UBXN7: variants seen among roughly 807,000 people sequenced by gnomAD.
The protein encoded by UBXN7 is UBX domain protein 7.
UBXN7 carries 9 observed loss-of-function variants against 58.0 expected under a neutral mutation model. The observed-to-expected ratio is 0.16, with a 90% CI of 0.09 to 0.27. The LOEUF (loss-of-function observed/expected upper bound fraction) is 0.27. Among genes scored for constraint, UBXN7 ranks in the 10% least tolerant of loss-of-function variants. The pLI, the probability that UBXN7 is intolerant of heterozygous loss-of-function variation, is 1.00. For missense variants in UBXN7, 328 were observed against 599.6 expected (o/e 0.55, Z 4.73); for synonymous variants, 208 against 205.0 (o/e 1.01, Z -0.12).
chr3:196,404,493 A>G (rs956662798), intron 2 of UBXN7, among the ~76,000 whole-genome samples: 2 of 151,686 alleles, frequency 1.3e-5, no homozygotes, highest in East Asian at 1.9e-4. Context: ...CAATCTCCTG[A>G]CCTCGTGATC....
chr3:196,421,256 G>A (rs1730673914), intron 1 of UBXN7, among the ~76,000 whole-genome samples: 1 of 152,186 alleles, frequency 6.6e-6, no homozygotes, highest in South Asian at 2.1e-4. Context: ...GGTGGGAAAT[G>A]CATGCGCCCA....
intron 9 of UBXN7, among the ~76,000 whole-genome samples, 161 bp from the exon 10 acceptor site, chr3:196,362,084 C>T (rs926404921): frequency 1.3e-5 from 2 of 152,208 alleles, no homozygotes; most frequent in Non-Finnish European, 2.9e-5. Flanking sequence ...ACCTCCGCCT[C>T]CCTGGTTCAA....
At chr3:196,377,992 C>T (rs62409217) in intron 5 of UBXN7, among the ~76,000 whole-genome samples, 14,866 of 152,160 alleles carry the variant, frequency 0.098, 914 homozygotes, top group Middle Eastern at 0.2. Flanking sequence ...ATTCTTTCTC[C>T]AAGCAACTAC....
intron 5 of UBXN7, among the ~76,000 whole-genome samples, chr3:196,372,300 T>TTCTCTCTCTCTCTCTCTC (rs144595952): frequency 0.018 from 2,383 of 133,440 alleles, 60 homozygotes; most frequent in Non-Finnish European, 0.026. Context: ...TAATAGCTGA[T>TTCTCTCTCTCTCTCTCTC]TCTCTCTCTC....
At chr3:196,380,206 C>T (rs1012487096) in intron 5 of UBXN7, among the ~76,000 whole-genome samples, 2 of 150,812 alleles carry the variant, frequency 1.3e-5, no homozygotes, top group African/African-American at 4.9e-5. Context: ...GGCAAGATAG[C>T]GCCACTGCAG....
intron 5 of UBXN7, among the ~76,000 whole-genome samples, chr3:196,373,187 A>C (rs1350597786): frequency 1.3e-5 from 2 of 152,214 alleles, no homozygotes; most frequent in Non-Finnish European, 2.9e-5. Context: ...GAATCACCCT[A>C]AACATTTTAG....
At chr3:196,372,794 G>A (rs368981006) in intron 5 of UBXN7, among the ~76,000 whole-genome samples, 1 of 149,694 alleles carries the variant, frequency 6.7e-6, no homozygotes, top group Non-Finnish European at 1.5e-5. Context: ...TGCCTAAGTC[G>A]GAGAACAATG....
chr3:196,390,369 G>A (rs373613972), intron 5 of UBXN7, among the ~76,000 whole-genome samples: 2 of 152,260 alleles, frequency 1.3e-5, no homozygotes, highest in East Asian at 3.9e-4. Context: ...CCAAGTAGTA[G>A]TTAGTTTGGG....
chr3:196,351,678 C>T lies in UBXN7; in HGVS notation c.*5007G>A, dbSNP rs1293350572. ...TAGTCCAATTATCTCATTTTTCAGA[C>T]GAGAAACCAGAGATTAAGAAGAAAG... On this transcript the variant is annotated 3_prime_UTR_variant, in exon 11 of 11. Transcript: ENST00000296328. 5 of 152,060 alleles carry T rather than the reference C, an allele frequency of 3.3e-5. No homozygotes were observed. The highest frequency in any genetic ancestry group is 6.6e-5 in the Admixed American group (1 of 15,250). 9.4% of individuals were successfully genotyped at this position (152,060 alleles called of 1,614,324 possible).
Position 196,432,355 on chromosome 3 carries a change from C to T in UBXN7, c.45G>A (p.Gly15=). The T allele has an allele frequency of 6.2e-7, 1 of 1,607,712 alleles. No homozygotes were observed. Among genetic ancestry groups the T allele is most frequent in the Non-Finnish European group, 8.5e-7 (1 of 1,175,882 alleles). Residue 15 remains glycine (G), a synonymous_variant, in exon 1 of 11, where the codon GGG becomes GGA. Transcript: ENST00000296328. ...GGSAASSALK[G]LIQQFTTITG... ...TAATGGTGGTGAACTGTTGAATTAACCCCTTCAGCGCCGAGGACGCCGCGG... is the reference window on the plus strand; with the variant it reads ...TAATGGTGGTGAACTGTTGAATTAATCCCTTCAGCGCCGAGGACGCCGCGG...
In UBXN7 at chr3:196,355,957, A is replaced by C. The variant is rs944614235; in HGVS notation, c.*728T>G. 1 of 152,456 alleles carries C rather than the reference A, an allele frequency of 6.6e-6. No individual in the cohort carries two copies. The highest frequency in any genetic ancestry group is 1.5e-5 in the Non-Finnish European group (1 of 68,054). The allele number at this position is 152,456 out of a possible 1,614,324, so 9.4% of individuals were successfully genotyped here. On this transcript the variant is annotated 3_prime_UTR_variant, in exon 11 of 11. Transcript: ENST00000296328. ...CTAGCAGGATCAATACAGAGTAATA[A>C]GGAAAACTGTCTCAGGTTAGGACAA... is the stretch of plus-strand genomic sequence containing the variant.
At chr3:196,405,026 C>A (rs1051661613) in intron 2 of UBXN7, among the ~76,000 whole-genome samples, 1 of 152,076 alleles carries the variant, frequency 6.6e-6, no homozygotes, top group Non-Finnish European at 1.5e-5. Context: ...TGGTGGCATG[C>A]GCCTATAGTC....
intron 5 of UBXN7, among the ~76,000 whole-genome samples, chr3:196,373,781 C>T (rs1399140733): frequency 1.3e-5 from 2 of 152,028 alleles, no homozygotes; most frequent in African/African-American, 4.8e-5. Flanking sequence ...TGGTTTGGAA[C>T]ACCTAGCCTC....
chr3:196,351,811 T>C lies in UBXN7; in HGVS notation c.*4874A>G, dbSNP rs540972640. 14 of 152,350 alleles carry C rather than the reference T, an allele frequency of 9.2e-5. No homozygotes were observed. In the South Asian group the frequency reaches 2.7e-3, roughly 29 times the overall value. 9.4% of individuals were successfully genotyped at this position (152,350 alleles called of 1,614,324 possible). ...CTATACTATGCATTGGATTTGTACC[T>C]GGGTAGAGAAATTAAATCTTTCCTT... On this transcript the variant is annotated 3_prime_UTR_variant, in exon 11 of 11. Coordinates refer to ENST00000296328, the MANE Select transcript of UBXN7 (RefSeq NM_015562.2).
chr3:196,390,314 C>T (rs1729542954), intron 5 of UBXN7, among the ~76,000 whole-genome samples: 1 of 152,118 alleles, frequency 6.6e-6, no homozygotes, highest in Admixed American at 6.5e-5. Context: ...TCACACACCA[C>T]AGCCTCAAAC....
chr3:196,388,801 G>T (rs1170466148), intron 5 of UBXN7, among the ~76,000 whole-genome samples: 2 of 151,912 alleles, frequency 1.3e-5, no homozygotes, highest in Non-Finnish European at 1.5e-5. Context: ...AATTTTGCTT[G>T]TTATCTCCCT....
chr3:196,368,055 G>A lies in UBXN7; in HGVS notation c.807C>T (p.Ser269=). Residue 269 remains serine, a synonymous_variant, in exon 8 of 11, where the codon AGC becomes AGT. Coordinates refer to ENST00000296328, the MANE Select transcript of UBXN7 (RefSeq NM_015562.2). The part of the protein sequence containing the change: ...GEHGQLDGLS[S]SPPKKCARSE... ...AACGGGCACATTTTTTGGGGGGACTGCTAGAAAGTCCATCCAGTTGTCCAT... is the reference window on the plus strand; with the variant it reads ...AACGGGCACATTTTTTGGGGGGACTACTAGAAAGTCCATCCAGTTGTCCAT... 1 of 1,613,738 alleles carries A rather than the reference G, an allele frequency of 6.2e-7. No individual in the cohort carries two copies. Among genetic ancestry groups the A allele is most frequent in the Non-Finnish European group, 8.5e-7 (1 of 1,179,862 alleles).
Position 196,423,307 on chromosome 3 carries a change from T to C in UBXN7, c.73+9020A>G, listed in dbSNP as rs73088734. 1,193 of 155,914 alleles carry C rather than the reference T, an allele frequency of 7.7e-3. 17 individuals carry two copies. Among genetic ancestry groups the C allele is most frequent in the African/African-American group, 0.027 (1,130 of 41,632 alleles). 9.7% of individuals were successfully genotyped at this position (155,914 alleles called of 1,614,324 possible). On this transcript the variant is annotated intron_variant, in intron 1 of 10. Coordinates refer to ENST00000296328, the MANE Select transcript of UBXN7 (RefSeq NM_015562.2). ...CACGCCAGCAAACATTTACTGAGTA[T>C]CTACCACGTATAAGAACATTGGCAA...
intron 4 of UBXN7, 97 bp downstream of exon 4, chr3:196,393,457 G>T: frequency 8.6e-7 from 1 of 1,169,296 alleles, no homozygotes; most frequent in Non-Finnish European, 1.2e-6. Flanking sequence ...TTTAAAGAAG[G>T]TGAAAACTTA....
Sources: allele counts gnomAD v4.1 joint callset (sites outside exome capture counted in the v4.1 genomes callset), GRCh38; gene constraint gnomAD v4.1.1; transcripts MANE v1.5; gene names NCBI Gene and HGNC (gene_info 2026-07-23, HGNC 2026-07-21).